Variants in USP31 observed in about 807,000 individuals in gnomAD.
The protein encoded by USP31 is ubiquitin carboxyl-terminal hydrolase 31.
A neutral mutation model predicts 119.4 loss-of-function variants in USP31; 44 were observed. The observed-to-expected ratio is 0.37, with a 90% CI of 0.29 to 0.47. The LOEUF (loss-of-function observed/expected upper bound fraction) is 0.47. USP31 is among the 20% of genes least tolerant of loss of function. USP31 has a pLI of 0.99. For missense variants in USP31, 1,643 were observed against 1,730.2 expected (o/e 0.95, Z 0.89); for synonymous variants, 749 against 705.6 (o/e 1.06, Z -0.97).
At chr16:23,115,334 G>T (rs565153450) in intron 1 of USP31, among the ~76,000 whole-genome samples, 1 of 152,268 alleles carries the variant, frequency 6.6e-6, no homozygotes, top group South Asian at 2.1e-4. Context: ...TACAATCTGA[G>T]AAATTATTTA....
intron 2 of USP31, 52 bp from the exon 3 acceptor site, chr16:23,106,539 T>C (rs769831382): frequency 1.3e-6 from 2 of 1,514,584 alleles, no homozygotes; most frequent in South Asian, 1.2e-5. Context: ...CAATTCTTGG[T>C]TGAAGATGAA....
At position 23,149,377 on chromosome 16, in the gene USP31, C is replaced by G. The variant is rs1229137808; in HGVS notation, c.-107G>C. ...CCGCGCCTCACCGGGCCCGGGGGCT[C>G]GACGCCCCACACACCTCAAAGCGCA... On this transcript the variant is annotated 5_prime_UTR_variant, in exon 1 of 16. Transcript: ENST00000219689. 2.0e-6 allele frequency: 2 copies of G among 986,398 alleles called. No individual in the cohort carries two copies. Among genetic ancestry groups the G allele is most frequent in the Non-Finnish European group, 1.2e-6 (1 of 831,688 alleles). 61.1% of individuals were successfully genotyped at this position (986,398 alleles called of 1,614,324 possible).
chr16:23,067,974 G>A lies in USP31; in HGVS notation c.*72C>T. ...AAAGTACAAAACAAAAGCACAGGAG[G>A]CTTTGGTGGGAGGGCAGGGGTTCTA... On this transcript the variant is annotated 3_prime_UTR_variant, in exon 16 of 16. Coordinates refer to ENST00000219689, the MANE Select transcript of USP31 (RefSeq NM_020718.4). 1 of 1,520,424 alleles carries A rather than the reference G, an allele frequency of 6.6e-7. No individual in the cohort carries two copies. The highest frequency in any genetic ancestry group is 8.8e-7 in the Non-Finnish European group (1 of 1,139,162). The allele number at this position is 1,520,424 out of a possible 1,614,324, so 94.2% of individuals were successfully genotyped here. A position where few individuals can be genotyped will look rare whatever the true frequency, so the allele number is the denominator to read the frequency against.
Position 23,064,357 on chromosome 16 carries a change from T to C in USP31, c.*3689A>G, listed in dbSNP as rs1452617460. On this transcript the variant is annotated 3_prime_UTR_variant, in exon 16 of 16. Coordinates refer to ENST00000219689, the MANE Select transcript of USP31 (RefSeq NM_020718.4). ...TTGTTCACAGCTCTTCTCTGCTCCATTTTCCCTAAAGGCTGCCACTCTTGG... is the reference window on the plus strand; with the variant it reads ...TTGTTCACAGCTCTTCTCTGCTCCACTTTCCCTAAAGGCTGCCACTCTTGG... 1 of 152,222 alleles carries C rather than the reference T, an allele frequency of 6.6e-6. No individual in the cohort carries two copies. Among genetic ancestry groups the C allele is most frequent in the East Asian group, 1.9e-4 (1 of 5,204 alleles). The allele number at this position is 152,222 out of a possible 1,614,324, so 9.4% of individuals were successfully genotyped here.
Position 23,069,299 on chromosome 16 carries a change from C to A in USP31, c.2806G>T (p.Ala936Ser). 1.2e-6 allele frequency: 2 copies of A among 1,609,686 alleles called. No individual in the cohort carries two copies. Among genetic ancestry groups the A allele is most frequent in the Non-Finnish European group, 1.7e-6 (2 of 1,177,834 alleles). ...ACAGCCAGAGGGGCCCGGCCCACAG[C>A]CTTGTGCTCACGGCGACTATGACTG... The part of the protein sequence containing the change: ...SDSHSRREHK[A>S]VGRAPLAVME... The change falls in exon 16 of 16, where the codon GCT (alanine) becomes TCT (serine). Residue 936 changes from alanine (A) to serine (S), a missense_variant. Physicochemically the swap from Ala to Ser is moderately conservative, Grantham distance 99 (BLOSUM62 1). Transcript: ENST00000219689.
chr16:23,085,537 G>T, intron 10 of USP31, 48 bp downstream of exon 10: 1 of 1,508,696 alleles, frequency 6.6e-7, no homozygotes, highest in Non-Finnish European at 9.2e-7. Flanking sequence ...CTATAAAAAT[G>T]ATAATTAAAA....
intron 1 of USP31, among the ~76,000 whole-genome samples, chr16:23,113,361 T>C (rs1902383971): frequency 6.6e-6 from 1 of 151,992 alleles, no homozygotes; most frequent in Non-Finnish European, 1.5e-5. Context: ...AGGGAACATA[T>C]GGTGAGAAGA....
chr16:23,125,916 C>T (rs550923994), intron 1 of USP31, among the ~76,000 whole-genome samples: 8 of 152,278 alleles, frequency 5.3e-5, no homozygotes, highest in Non-Finnish European at 1.0e-4. Flanking sequence ...TTTCTCTGCT[C>T]CCATCATTGC....
Position 23,073,713 on chromosome 16 carries a change from G to A in USP31, c.2335+9C>T, listed in dbSNP as rs879644956. 2 of 1,610,392 alleles carry A rather than the reference G, an allele frequency of 1.2e-6. No homozygotes were observed. Among genetic ancestry groups the A allele is most frequent in the Non-Finnish European group, 1.7e-6 (2 of 1,178,450 alleles). On this transcript the variant is annotated intron_variant, in intron 14 of 15. Coordinates refer to ENST00000219689, the MANE Select transcript of USP31 (RefSeq NM_020718.4). ...GAAAAAACTGCCCAAGAACAAGAGT[G>A]GACCTCACCTGCCACCGAGCTGTTG...
intron 6 of USP31, among the ~76,000 whole-genome samples, chr16:23,094,597 G>C: frequency 6.6e-6 from 1 of 152,284 alleles, no homozygotes; most frequent in South Asian, 2.1e-4. Flanking sequence ...CTCCCAGTAG[G>C]AACCGACAGA....
At chr16:23,083,981 A>C (rs1321595979) in intron 11 of USP31, among the ~76,000 whole-genome samples, 1 of 152,238 alleles carries the variant, frequency 6.6e-6, no homozygotes, top group Non-Finnish European at 1.5e-5. Context: ...CTCTGTCTTA[A>C]CGAGGCAAAC....
rs183689664 is a variant in USP31, at chr16:23,106,864, A to T, written c.772-377T>A. 2.5e-3 allele frequency among the ~76,000 whole-genome samples: 387 copies of T among 152,188 alleles called. 1 individual carries two copies. Among genetic ancestry groups the T allele is most frequent in the Non-Finnish European group, 4.7e-3 (322 of 67,996 alleles). On this transcript the variant is annotated intron_variant, in intron 2 of 15. Coordinates refer to ENST00000219689, the MANE Select transcript of USP31 (RefSeq NM_020718.4). Reference sequence around the variant, plus strand: ...ACAGGGGCTCATGCCTGTAATCCCAACACTTTGAGAGGCAGGGGTGGGCGG... The same window carrying T: ...ACAGGGGCTCATGCCTGTAATCCCATCACTTTGAGAGGCAGGGGTGGGCGG...
chr16:23,080,068 A>G lies in USP31; in HGVS notation c.2054T>C (p.Leu685Ser). 6.2e-7 allele frequency: 1 copy of G among 1,614,036 alleles called. No individual in the cohort carries two copies. The highest frequency in any genetic ancestry group is 8.5e-7 in the Non-Finnish European group (1 of 1,179,966). ...TCTCCACGGGGACCAATGCGATGGC[A>G]AACTCCAGCTGCTCTGGCTCCTCTT... is the stretch of plus-strand genomic sequence containing the variant. ...VVKRSQSSWS[L>S]PSHWSPWRRP... The change falls in exon 13 of 16, where the codon TTG (leucine) becomes TCG (serine). Residue 685 changes from leucine (L) to serine (S), a missense_variant. Coordinates refer to ENST00000219689, the MANE Select transcript of USP31 (RefSeq NM_020718.4).
chr16:23,099,913 C>G (rs539257052), intron 6 of USP31, among the ~76,000 whole-genome samples: 1 of 152,216 alleles, frequency 6.6e-6, no homozygotes, highest in South Asian at 2.1e-4. Context: ...AAATGGCCAA[C>G]AAGCACAAGA....
chr16:23,144,112 C>T (rs1903437637), intron 1 of USP31, among the ~76,000 whole-genome samples: 1 of 152,168 alleles, frequency 6.6e-6, no homozygotes, highest in Non-Finnish European at 1.5e-5. Context: ...AAACCATCTA[C>T]TTGGCAAGCT....
intron 6 of USP31, among the ~76,000 whole-genome samples, chr16:23,101,903 A>G (rs1362189750): frequency 6.6e-6 from 1 of 151,780 alleles, no homozygotes; most frequent in Non-Finnish European, 1.5e-5. Flanking sequence ...CAAATTTCTT[A>G]AAAGCAGGTA....
At chr16:23,145,287 G>T (rs1204421056) in intron 1 of USP31, among the ~76,000 whole-genome samples, 1 of 152,150 alleles carries the variant, frequency 6.6e-6, no homozygotes, top group African/African-American at 2.4e-5. Context: ...CTTGGGCACC[G>T]CTCCAGCTCT....
intron 6 of USP31, among the ~76,000 whole-genome samples, chr16:23,095,346 G>A (rs556900269): frequency 3.3e-4 from 51 of 152,320 alleles, no homozygotes; most frequent in Admixed American, 1.0e-3. Context: ...ATGGGGCTAC[G>A]TGAAAAGACC....
intron 1 of USP31, chr16:23,115,677 T>C: frequency 1.5e-6 from 1 of 649,296 alleles, no homozygotes; most frequent in Non-Finnish European, 1.9e-6. Context: ...TATAAACACA[T>C]TTGACCCCTG....
Sources: allele counts gnomAD v4.1 joint callset (sites outside exome capture counted in the v4.1 genomes callset), GRCh38; gene constraint gnomAD v4.1.1; transcripts MANE v1.5; gene names NCBI Gene and HGNC (gene_info 2026-07-23, HGNC 2026-07-21).